DMC1: variants seen among roughly 807,000 people sequenced by gnomAD.
The protein encoded by DMC1 is meiotic recombination protein DMC1 homolog.
In DMC1, 27 loss-of-function variants were observed where a neutral mutation model predicts 50.1. That is an observed-to-expected ratio of 0.54 (90% CI 0.40 to 0.74). The LOEUF is 0.74. Ranked by LOEUF, DMC1 falls within the 30% of genes least tolerant of loss-of-function variation. DMC1 has a pLI of 0.00. For synonymous variants in DMC1, 148 were observed against 136.1 expected (o/e 1.09, Z -0.61); for missense variants, 295 against 420.2 (o/e 0.70, Z 2.60).
At chr22:38,550,630 A>G (rs1054447533) in intron 7 of DMC1, among the ~76,000 whole-genome samples, 1 of 149,536 alleles carries the variant, frequency 6.7e-6, no homozygotes, top group Non-Finnish European at 1.5e-5. Flanking sequence ...TTCTTTCTAC[A>G]AGAAATAGTC....
intron 7 of DMC1, among the ~76,000 whole-genome samples, chr22:38,551,856 CTTTT>C (rs71761663): frequency 4.3e-5 from 4 of 93,184 alleles, no homozygotes; most frequent in Non-Finnish European, 6.3e-5. Context: ...GAACTCCTTT[CTTTT>C]TTTTTTTTTT....
chr22:38,561,023 T>C lies in DMC1; in HGVS notation c.326+1264A>G, dbSNP rs115383864. ...CTTAATTTTTTTTTTTCAGACAAGGTTTCTCTCTGCGTCACCCAGGCTAGA... is the reference window on the plus strand; with the variant it reads ...CTTAATTTTTTTTTTTCAGACAAGGCTTCTCTCTGCGTCACCCAGGCTAGA... On this transcript the variant is annotated intron_variant, in intron 5 of 13. Coordinates refer to ENST00000216024, the MANE Select transcript of DMC1 (RefSeq NM_007068.4). 5.1e-3 allele frequency among the ~76,000 whole-genome samples: 782 copies of C among 151,964 alleles called. 4 individuals carry two copies. Among genetic ancestry groups the C allele is most frequent in the African/African-American group, 0.018 (754 of 41,422 alleles).
At chr22:38,513,871 T>G in the DMC1 span, among the ~76,000 whole-genome samples, 1 of 152,206 alleles carries the variant, frequency 6.6e-6, no homozygotes, top group Non-Finnish European at 1.5e-5. Context: ...TGGCCCAGAA[T>G]GAATAATCTA....
intron 12 of DMC1, 23 bp downstream of exon 12, chr22:38,537,569 A>G: frequency 3.7e-6 from 6 of 1,607,224 alleles, no homozygotes; most frequent in Non-Finnish European, 5.1e-6. Flanking sequence ...CTGTGAAATA[A>G]AAAGTAGAAT....
At chr22:38,544,175 C>A (rs1411249511) in intron 8 of DMC1, among the ~76,000 whole-genome samples, 3 of 152,106 alleles carry the variant, frequency 2.0e-5, no homozygotes, top group Admixed American at 2.0e-4. Context: ...TAAAAATGGG[C>A]AAAATATCTG....
chr22:38,532,378 AG>A (rs2090162640), intron 12 of DMC1, among the ~76,000 whole-genome samples: 1 of 149,158 alleles, frequency 6.7e-6, no homozygotes, highest in South Asian at 2.1e-4. Context: ...GCTGGAGTGC[AG>A]GGGTGTGATC....
rs1027849645 is a variant in DMC1, at chr22:38,521,548, C to G, written c.953+60G>C. On this transcript the variant is annotated intron_variant, in intron 13 of 13. Transcript: ENST00000216024. ...GCAAAACCCCGTCTCTACACACACA[C>G]ACACACACACACACACACACACACA... 41 of 704,478 alleles carry G rather than the reference C, an allele frequency of 5.8e-5. 1 individual carries two copies. The African/African-American group carries it at 6.5e-4, about 11-fold the overall frequency. The allele number at this position is 704,478 out of a possible 1,614,324, so 43.6% of individuals were successfully genotyped here. A position where few individuals can be genotyped will look rare whatever the true frequency, so the allele number is the denominator to read the frequency against.
intron 12 of DMC1, among the ~76,000 whole-genome samples, chr22:38,529,289 G>T (rs766289823): frequency 6.6e-6 from 1 of 152,144 alleles, no homozygotes; most frequent in African/African-American, 2.4e-5. Flanking sequence ...GATTACAGGC[G>T]TGAGCCACCG....
chr22:38,550,128 C>A, intron 7 of DMC1, 131 bp from the exon 8 acceptor site: 1 of 667,116 alleles, frequency 1.5e-6, no homozygotes, highest in Non-Finnish European at 2.7e-6. Flanking sequence ...CCTTTCGTTT[C>A]TAAACAACAT....
rs144448683 is a variant in DMC1, at chr22:38,569,041, G to A, written c.-33-752C>T. Among the ~76,000 whole-genome samples, 118 of 152,008 alleles carry A rather than the reference G, an allele frequency of 7.8e-4. 1 individual carries two copies. In the East Asian group the frequency reaches 0.022, roughly 28 times the overall value. Reference sequence around the variant, plus strand: ...TACTAAAAATACAAAAAAATTAGCCGGGCGTGGTGGTGGGCGCCCGTAATC... The same window carrying A: ...TACTAAAAATACAAAAAAATTAGCCAGGCGTGGTGGTGGGCGCCCGTAATC... On this transcript the variant is annotated intron_variant, in intron 1 of 13. Coordinates refer to ENST00000216024, the MANE Select transcript of DMC1 (RefSeq NM_007068.4).
rs144252815 is a variant in DMC1 at position 38,528,210 on chromosome 22, C to T, written c.837-6486G>A. Reference sequence around the variant, plus strand: ...CCGAGTAGCTGGGATTACAGGTGTGCGCCATCACACTCAGCTAATTCTTTT... The same window carrying T: ...CCGAGTAGCTGGGATTACAGGTGTGTGCCATCACACTCAGCTAATTCTTTT... On this transcript the variant is annotated intron_variant, in intron 12 of 13. Coordinates refer to ENST00000216024, the MANE Select transcript of DMC1 (RefSeq NM_007068.4). Among the ~76,000 whole-genome samples the T allele has an allele frequency of 9.2e-3, 1,400 of 151,552 alleles. 13 individuals are homozygous for T. Among genetic ancestry groups the T allele is most frequent in the Admixed American group, 0.014 (212 of 15,206 alleles).
chr22:38,509,976 C>T, the DMC1 span, among the ~76,000 whole-genome samples: 27 of 152,126 alleles, frequency 1.8e-4, no homozygotes, highest in East Asian at 9.7e-4. Context: ...TTATATATTA[C>T]GGTGTAATAA....
downstream of DMC1, among the ~76,000 whole-genome samples, chr22:38,514,519 G>A (rs1480124063): frequency 2.0e-5 from 3 of 151,986 alleles, no homozygotes; most frequent in Admixed American, 6.6e-5. Flanking sequence ...TGGGATTACA[G>A]GTGTGAGCCA....
At chr22:38,522,563 AAAAC>A (rs1236735127) in intron 12 of DMC1, among the ~76,000 whole-genome samples, 3 of 152,100 alleles carry the variant, frequency 2.0e-5, no homozygotes, top group East Asian at 3.9e-4. Flanking sequence ...TCCTTCTCAA[AAAAC>A]AAACAAACAA....
chr22:38,525,881 G>A (rs768106019), intron 12 of DMC1, among the ~76,000 whole-genome samples: 3 of 151,926 alleles, frequency 2.0e-5, no homozygotes, highest in South Asian at 2.1e-4. Flanking sequence ...TTGAGGCTGC[G>A]GTGAGTGTTC....
At position 38,519,776 on chromosome 22, in the gene DMC1, G is replaced by T. The variant is rs1413550256; in HGVS notation, c.*244C>A. The T allele has an allele frequency of 4.4e-6, 2 of 459,410 alleles. No homozygotes were observed. The highest frequency in any genetic ancestry group is 8.0e-6 in the Non-Finnish European group (2 of 248,866). The allele number at this position is 459,410 out of a possible 1,614,324, so 28.5% of individuals were successfully genotyped here. On this transcript the variant is annotated 3_prime_UTR_variant, in exon 14 of 14. Coordinates refer to ENST00000216024, the MANE Select transcript of DMC1 (RefSeq NM_007068.4). ...TATATATATCTACTATATATGTCAG[G>T]TATACACACACAAACACACACACAC...
chr22:38,517,810 T>G (rs1569149977), downstream of DMC1, among the ~76,000 whole-genome samples: 1 of 152,128 alleles, frequency 6.6e-6, no homozygotes, highest in Non-Finnish European at 1.5e-5. Context: ...GCTTCTGTGG[T>G]TTTCAAAAGG....
At chr22:38,562,543 T>G (rs1801048492) in intron 4 of DMC1, among the ~76,000 whole-genome samples, 174 bp from the exon 5 acceptor site, 3 of 152,222 alleles carry the variant, frequency 2.0e-5, no homozygotes, top group Non-Finnish European at 4.4e-5. Flanking sequence ...GCTTTAGAGC[T>G]GCCCTTTCTA....
intron 8 of DMC1, chr22:38,549,598 T>C (rs2090381301): frequency 4.4e-6 from 1 of 229,170 alleles, no homozygotes; most frequent in South Asian, 5.8e-5. Flanking sequence ...GACTCCAGCC[T>C]GGGCAACAGG....
Sources: allele counts gnomAD v4.1 joint callset (sites outside exome capture counted in the v4.1 genomes callset), GRCh38; gene constraint gnomAD v4.1.1; transcripts MANE v1.5; gene names NCBI Gene and HGNC (gene_info 2026-07-23, HGNC 2026-07-21).